The following CSMD1 variants were observed in gnomAD, a reference collection of about 807,000 sequenced individuals.
CSMD1 encodes the protein CUB and sushi domain-containing protein 1.
Under a neutral mutation model 417.5 loss-of-function variants are expected in CSMD1, and 213 were observed. The observed-to-expected ratio is 0.51, with a 90% CI of 0.46 to 0.57. The LOEUF (loss-of-function observed/expected upper bound fraction) is 0.57, where lower values mean the gene tolerates loss of function less well. Ranked by LOEUF, CSMD1 falls within the 20% of genes least tolerant of loss-of-function variation. The pLI is 0.00. For synonymous variants in CSMD1, 2,862 were observed against 1,736.8 expected (o/e 1.65, Z -16.11); for missense variants, 6,923 against 4,529.7 (o/e 1.53, Z -15.17).
At chr8:3,880,869 T>A (rs953350133) in intron 5 of CSMD1, among the ~76,000 whole-genome samples, 7 of 152,170 alleles carry the variant, frequency 4.6e-5, no homozygotes, top group African/African-American at 1.7e-4. Flanking sequence ...TAATACAAAT[T>A]TTTCTAGTCC....
intron 2 of CSMD1, among the ~76,000 whole-genome samples, chr8:4,462,316 C>G (rs1486290552): frequency 2.6e-5 from 4 of 151,814 alleles, no homozygotes; most frequent in Admixed American, 2.0e-4. Context: ...ATATATATTC[C>G]AAAAACTATA....
At chr8:4,943,740 G>T (rs138023418) in intron 1 of CSMD1, among the ~76,000 whole-genome samples, 1 of 152,248 alleles carries the variant, frequency 6.6e-6, no homozygotes, top group Non-Finnish European at 1.5e-5. Flanking sequence ...ATCATGATGT[G>T]ATAAGCAAAG....
intron 2 of CSMD1, among the ~76,000 whole-genome samples, chr8:4,445,763 T>A (rs57061717): frequency 0.1 from 15,508 of 152,198 alleles, 1,186 homozygotes; most frequent in East Asian, 0.38. Context: ...GTCCTGAGAA[T>A]CTACACTAAG....
At chr8:4,549,499 T>C (rs567294806) in intron 2 of CSMD1, among the ~76,000 whole-genome samples, 6 of 152,260 alleles carry the variant, frequency 3.9e-5, no homozygotes, top group Admixed American at 2.6e-4. Flanking sequence ...AATAACTCTT[T>C]AACCTACAGA....
rs545436772 is a variant in CSMD1 at position 4,369,569 on chromosome 8, TGTCTAA to T, written c.415+50378_415+50383del. Reference sequence around the variant, plus strand: ...AAGTCTCCCAGTATTATTGAGTGGTTGTCTAAGTCTGTCTGTAGATCTCTATGAACT... The same window carrying T: ...AAGTCTCCCAGTATTATTGAGTGGTTGTCTGTCTGTAGATCTCTATGAACT... On this transcript the variant is annotated intron_variant, in intron 3 of 69. Transcript: ENST00000635120. Among the ~76,000 whole-genome samples the T allele has an allele frequency of 3.2e-3, 488 of 152,326 alleles. 1 individual carries two copies. The Middle Eastern group carries it at 0.044, about 14-fold the overall frequency.
intron 3 of CSMD1, among the ~76,000 whole-genome samples, chr8:4,276,040 A>T (rs550345329): frequency 6.6e-6 from 1 of 152,196 alleles, no homozygotes; most frequent in Non-Finnish European, 1.5e-5. Flanking sequence ...AAATTAGTTC[A>T]ACCGTTGTGG....
intron 3 of CSMD1, among the ~76,000 whole-genome samples, chr8:4,146,236 C>G (rs1043277302): frequency 1.3e-5 from 2 of 150,994 alleles, no homozygotes; most frequent in Admixed American, 6.6e-5. Flanking sequence ...TGGAGAAAAC[C>G]TCTCCCAGGA....
chr8:4,483,051 G>T (rs1356027315), intron 2 of CSMD1, among the ~76,000 whole-genome samples: 2 of 152,118 alleles, frequency 1.3e-5, no homozygotes, highest in African/African-American at 4.8e-5. Context: ...ATCTTGGATT[G>T]GACTCCCATA....
intron 2 of CSMD1, among the ~76,000 whole-genome samples, chr8:4,497,100 A>G (rs1488683958): frequency 6.6e-6 from 1 of 152,198 alleles, no homozygotes; most frequent in African/African-American, 2.4e-5. Context: ...ACATTTCAGC[A>G]GCAGTGACAT....
chr8:4,653,903 C>G (rs1804064268), intron 1 of CSMD1, among the ~76,000 whole-genome samples: 1 of 151,738 alleles, frequency 6.6e-6, no homozygotes, highest in African/African-American at 2.4e-5. Flanking sequence ...TCAGTAGTCT[C>G]AGTAGTCATT....
intron 10 of CSMD1, among the ~76,000 whole-genome samples, chr8:3,566,620 T>A (rs539307789): frequency 1.1e-4 from 17 of 151,950 alleles, no homozygotes; most frequent in African/African-American, 3.4e-4. Context: ...TGGGCAAAGA[T>A]ATGAACAGAC....
intron 6 of CSMD1, among the ~76,000 whole-genome samples, chr8:3,746,358 A>T (rs1038045566): frequency 3.3e-5 from 5 of 152,218 alleles, no homozygotes; most frequent in East Asian, 3.8e-4. Flanking sequence ...ATCTGTTTTA[A>T]ATAGCTGAGA....
intron 1 of CSMD1, among the ~76,000 whole-genome samples, chr8:4,693,113 C>T (rs1049031730): frequency 2.6e-5 from 4 of 152,226 alleles, no homozygotes; most frequent in Non-Finnish European, 4.4e-5. Flanking sequence ...CCAGGGCCCA[C>T]TGGAATCTTC....
chr8:4,053,711 G>T (rs1798550978), intron 3 of CSMD1, among the ~76,000 whole-genome samples: 1 of 152,070 alleles, frequency 6.6e-6, no homozygotes, highest in Non-Finnish European at 1.5e-5. Flanking sequence ...ATGGCAGTAG[G>T]AGGAAAATGC....
chr8:4,963,370 T>A (rs867034506), intron 1 of CSMD1, among the ~76,000 whole-genome samples: 2 of 152,086 alleles, frequency 1.3e-5, no homozygotes, highest in African/African-American at 4.8e-5. Context: ...CAGCTAATTT[T>A]TGTATTTTTA....
At chr8:3,228,804 C>T (rs145789699) in intron 27 of CSMD1, among the ~76,000 whole-genome samples, 1 of 151,888 alleles carries the variant, frequency 6.6e-6, no homozygotes, top group African/African-American at 2.4e-5. Context: ...CCCTTTCCTA[C>T]TGTAAAAGTA....
intron 26 of CSMD1, among the ~76,000 whole-genome samples, chr8:3,232,345 C>T (rs1585731065): frequency 6.6e-6 from 1 of 152,176 alleles, no homozygotes; most frequent in Non-Finnish European, 1.5e-5. Flanking sequence ...ATTGCAAGTT[C>T]TGTGACTCTC....
chr8:3,939,101 T>C (rs1271127301), intron 5 of CSMD1, among the ~76,000 whole-genome samples: 1 of 152,124 alleles, frequency 6.6e-6, no homozygotes, highest in African/African-American at 2.4e-5. Context: ...GCATAAATTG[T>C]TGAGAGTTTA....
intron 3 of CSMD1, among the ~76,000 whole-genome samples, chr8:4,261,129 A>C (rs372738299): frequency 1.3e-5 from 2 of 151,902 alleles, no homozygotes; most frequent in African/African-American, 4.8e-5. Context: ...TGTTTGTTAG[A>C]CTCTTTTTTC....
Sources: gnomAD v4.1 joint callset for allele counts (sites outside exome capture counted in the v4.1 genomes callset) on GRCh38, gnomAD v4.1.1 for gene constraint, MANE v1.5 for transcripts, NCBI Gene and HGNC (gene_info 2026-07-23, HGNC 2026-07-21) for gene names.